The following ARFGEF3 variants were observed in gnomAD, a reference collection of about 807,000 sequenced individuals.
The protein encoded by ARFGEF3 is brefeldin A-inhibited guanine nucleotide-exchange protein 3.
In ARFGEF3, 96 loss-of-function variants were observed where a neutral mutation model predicts 221.7. The observed-to-expected ratio is 0.43, with a 90% CI of 0.37 to 0.51. The LOEUF (loss-of-function observed/expected upper bound fraction) is 0.51, where lower values mean the gene tolerates loss of function less well. ARFGEF3 is among the 20% of genes least tolerant of loss of function. The pLI, the probability that ARFGEF3 is intolerant of heterozygous loss-of-function variation, is 0.00. For missense variants in ARFGEF3, 2,410 were observed against 2,789.9 expected, an observed-to-expected ratio of 0.86 and a Z score of 3.07; for synonymous variants, 1,145 against 1,126.8, an observed-to-expected ratio of 1.02 and a Z score of -0.32.
intron 22 of ARFGEF3, among the ~76,000 whole-genome samples, chr6:138,306,485 A>G (rs1779725343): frequency 6.6e-6 from 1 of 152,218 alleles, no homozygotes; most frequent in Non-Finnish European, 1.5e-5. Flanking sequence ...ATGAAACTGC[A>G]AAGAACAGAA....
At chr6:138,244,621 T>C (rs1175186447) in intron 7 of ARFGEF3, among the ~76,000 whole-genome samples, 2 of 152,208 alleles carry the variant, frequency 1.3e-5, no homozygotes, top group South Asian at 4.1e-4. Flanking sequence ...AGAGGGAAAT[T>C]TTATTTTTCT....
intron 12 of ARFGEF3, among the ~76,000 whole-genome samples, chr6:138,275,699 G>A (rs1322429749): frequency 4.7e-5 from 7 of 150,088 alleles, no homozygotes; most frequent in Non-Finnish European, 8.8e-5. Flanking sequence ...AGCCAAGATC[G>A]CACCACTGCA....
At chr6:138,323,555 G>T in intron 29 of ARFGEF3, 116 bp from the exon 30 acceptor site, 2 of 824,036 alleles carry the variant, frequency 2.4e-6, no homozygotes, top group Non-Finnish European at 3.8e-6. Flanking sequence ...AGGTTGCAGT[G>T]AGCCAAGATC....
intron 4 of ARFGEF3, among the ~76,000 whole-genome samples, chr6:138,223,978 T>G (rs945535442): frequency 1.3e-5 from 2 of 152,242 alleles, no homozygotes; most frequent in Non-Finnish European, 2.9e-5. Context: ...ACGCTGGATG[T>G]GGCCTCTAGC....
chr6:138,299,152 C>G (rs1486835841), intron 22 of ARFGEF3, among the ~76,000 whole-genome samples: 1 of 122,958 alleles, frequency 8.1e-6, no homozygotes, highest in Non-Finnish European at 1.6e-5. Context: ...GAGCCCAGAT[C>G]AATCACGCCA....
At chr6:138,183,218 CT>C (rs1230621131) in intron 2 of ARFGEF3, among the ~76,000 whole-genome samples, 1 of 152,014 alleles carries the variant, frequency 6.6e-6, no homozygotes, top group African/African-American at 2.4e-5. Context: ...GGTGGGAGGG[CT>C]GCTGGATTTA....
At chr6:138,311,675 A>G (rs1779834960) in intron 25 of ARFGEF3, among the ~76,000 whole-genome samples, 165 bp downstream of exon 25, 1 of 152,032 alleles carries the variant, frequency 6.6e-6, no homozygotes, top group African/African-American at 2.4e-5. Context: ...TCCTTTTTCC[A>G]TGAAGGAAAG....
intron 19 of ARFGEF3, among the ~76,000 whole-genome samples, chr6:138,293,605 T>C (rs183317395): frequency 1.3e-5 from 2 of 152,366 alleles, no homozygotes; most frequent in Non-Finnish European, 2.9e-5. Context: ...CAAAACCTTA[T>C]TCATTAATTT....
intron 10 of ARFGEF3, among the ~76,000 whole-genome samples, chr6:138,259,714 T>C (rs758653448): frequency 1.4e-4 from 21 of 152,062 alleles, no homozygotes; most frequent in Non-Finnish European, 2.5e-4. Context: ...GAGTTCAAGA[T>C]CAGGCTGGCC....
intron 14 of ARFGEF3, among the ~76,000 whole-genome samples, chr6:138,285,206 G>T (rs540384916): frequency 2.0e-5 from 3 of 152,098 alleles, no homozygotes; most frequent in Admixed American, 2.0e-4. Context: ...GCTCACGCCT[G>T]TAATCCCAGC....
chr6:138,324,460 T>C (rs1780093603), intron 31 of ARFGEF3, among the ~76,000 whole-genome samples: 1 of 152,200 alleles, frequency 6.6e-6, no homozygotes. Flanking sequence ...AGTATTTGCT[T>C]AACTGTTATT....
intron 14 of ARFGEF3, among the ~76,000 whole-genome samples, chr6:138,282,828 C>A (rs1463032166): frequency 6.6e-6 from 1 of 152,180 alleles, no homozygotes; most frequent in Non-Finnish European, 1.5e-5. Flanking sequence ...GCGGGTGGAT[C>A]ACTTGAGGTC....
intron 2 of ARFGEF3, among the ~76,000 whole-genome samples, chr6:138,195,255 C>T (rs1402414901): frequency 2.0e-5 from 3 of 152,010 alleles, no homozygotes; most frequent in Non-Finnish European, 4.4e-5. Flanking sequence ...CTGCCCTCCT[C>T]GGCCTCCCAA....
At chr6:138,326,144 A>T (rs1780123121) in intron 31 of ARFGEF3, among the ~76,000 whole-genome samples, 1 of 151,630 alleles carries the variant, frequency 6.6e-6, no homozygotes, top group African/African-American at 2.4e-5. Context: ...GGCATGAGCC[A>T]CTGCACCTGG....
intron 31 of ARFGEF3, among the ~76,000 whole-genome samples, chr6:138,324,676 A>C (rs1478662159): frequency 3.3e-5 from 5 of 152,226 alleles, no homozygotes; most frequent in Middle Eastern, 3.2e-3. Context: ...GTAAGAAGTC[A>C]CAAAATTTGG....
At chr6:138,271,845 C>T (rs1390067950) in intron 12 of ARFGEF3, among the ~76,000 whole-genome samples, 1 of 152,220 alleles carries the variant, frequency 6.6e-6, no homozygotes, top group Non-Finnish European at 1.5e-5. Context: ...ACAATGTACT[C>T]AATTTCTCCT....
chr6:138,323,410 G>A (rs1169363660), intron 29 of ARFGEF3, among the ~76,000 whole-genome samples: 2 of 152,040 alleles, frequency 1.3e-5, no homozygotes, highest in African/African-American at 2.4e-5. Flanking sequence ...ATGGGAGTTC[G>A]AGGCCAGCCT....
intron 7 of ARFGEF3, among the ~76,000 whole-genome samples, chr6:138,244,614 G>A (rs1238732690): frequency 6.6e-6 from 1 of 152,154 alleles, no homozygotes; most frequent in African/African-American, 2.4e-5. Context: ...CACATTTAGA[G>A]GGAAATTTTA....
chr6:138,177,980 A>G (rs977498789), intron 2 of ARFGEF3, among the ~76,000 whole-genome samples: 3 of 151,930 alleles, frequency 2.0e-5, no homozygotes, highest in Non-Finnish European at 2.9e-5. Context: ...TTTGGTTAGG[A>G]TTTATTGGCG....
Sources: allele counts gnomAD v4.1 joint callset (sites outside exome capture counted in the v4.1 genomes callset), GRCh38; gene constraint gnomAD v4.1.1; transcripts MANE v1.5; gene names NCBI Gene and HGNC (gene_info 2026-07-23, HGNC 2026-07-21).